Variants in IGLL5 observed in about 807,000 individuals in gnomAD.
The protein encoded by IGLL5 is immunoglobulin lambda-like polypeptide 5.
A neutral mutation model predicts 20.9 loss-of-function variants in IGLL5; 30 were observed. The ratio of observed to expected loss-of-function variants is 1.44; its 90% CI spans 1.07 to 1.95. The LOEUF (loss-of-function observed/expected upper bound fraction) is 1.95, where lower values mean the gene tolerates loss of function less well. Ranked by LOEUF, IGLL5 falls within the 30% of genes most tolerant of loss-of-function variation. IGLL5 has a pLI of 0.00. For missense variants in IGLL5, 475 were observed against 270.7 expected, an observed-to-expected ratio of 1.75 and a Z score of -5.30; for synonymous variants, 203 against 117.3, an observed-to-expected ratio of 1.73 and a Z score of -4.72.
chr22:22,888,972 A>G (rs538128969), intron 1 of IGLL5, among the ~76,000 whole-genome samples: 1 of 151,312 alleles, frequency 6.6e-6, no homozygotes, highest in African/African-American at 2.4e-5. Flanking sequence ...AGGAGAGCAC[A>G]GGATGAGGCT....
At position 22,894,509 on chromosome 22, in the gene IGLL5, A is replaced by C. The variant is rs1397989428; in HGVS notation, c.325+691A>C. On this transcript the variant is annotated intron_variant, in intron 2 of 2. Coordinates refer to ENST00000526893, the MANE Select transcript of IGLL5 (RefSeq NM_001178126.2). ...AGGGCAGAGATGTGTCTGTCCCTGG[A>C]GCCCCGTCACCTCTGGGGCCCAGTG... is the stretch of plus-strand genomic sequence containing the variant. Among the ~76,000 whole-genome samples, 2 of 151,440 alleles carry C rather than the reference A, an allele frequency of 1.3e-5. 1 individual carries two copies. Among genetic ancestry groups the C allele is most frequent in the African/African-American group, 4.8e-5 (2 of 41,318 alleles).
At chr22:22,892,732 G>A (rs1482195218) in intron 1 of IGLL5, among the ~76,000 whole-genome samples, 1 of 150,908 alleles carries the variant, frequency 6.6e-6, no homozygotes, top group Non-Finnish European at 1.5e-5. Flanking sequence ...CTGGAAATAG[G>A]GATCTAAGAC....
intron 1 of IGLL5, among the ~76,000 whole-genome samples, chr22:22,889,165 GA>G (rs924421302): frequency 2.0e-5 from 3 of 151,088 alleles, no homozygotes; most frequent in African/African-American, 7.3e-5. Flanking sequence ...GGAGGGAGGA[GA>G]GGGGGTGATG....
At chr22:22,889,513 A>G (rs533938004) in intron 1 of IGLL5, among the ~76,000 whole-genome samples, 1 of 151,394 alleles carries the variant, frequency 6.6e-6, no homozygotes, top group African/African-American at 2.4e-5. Context: ...CAGCATTATT[A>G]GTGATGGGAG....
chr22:22,889,214 G>A (rs115102473), intron 1 of IGLL5, among the ~76,000 whole-genome samples: 3,288 of 151,078 alleles, frequency 0.022, 120 homozygotes, highest in South Asian at 0.068. Context: ...GGAGGAAGCC[G>A]TGCCTTGGGG....
Position 22,888,002 on chromosome 22 carries a change from A to C in IGLL5, c.-52A>C, listed in dbSNP as rs1206090603. 7.0e-7 allele frequency: 1 copy of C among 1,437,758 alleles called. No individual in the cohort carries two copies. Among genetic ancestry groups the C allele is most frequent in the African/African-American group, 1.4e-5 (1 of 70,482 alleles). 89.1% of individuals were successfully genotyped at this position (1,437,758 alleles called of 1,614,324 possible). A position where few individuals can be genotyped will look rare whatever the true frequency, so the allele number is the denominator to read the frequency against. On this transcript the variant is annotated 5_prime_UTR_variant, in exon 1 of 3. Transcript: ENST00000526893. ...GAGAGGGACCAGGGCACCGTCCTCCAGGGAGCCCATGCTGCAAGTCGGGCC... is the reference window on the plus strand; with the variant it reads ...GAGAGGGACCAGGGCACCGTCCTCCCGGGAGCCCATGCTGCAAGTCGGGCC...
At position 22,888,049 on chromosome 22, in the gene IGLL5, G is replaced by C. The variant is rs768000090; in HGVS notation, c.-5G>C. 6.5e-7 allele frequency: 1 copy of C among 1,549,068 alleles called. No individual in the cohort carries two copies. Among genetic ancestry groups the C allele is most frequent in the African/African-American group, 1.4e-5 (1 of 72,916 alleles). On this transcript the variant is annotated 5_prime_UTR_variant, in exon 1 of 3. Coordinates refer to ENST00000526893, the MANE Select transcript of IGLL5 (RefSeq NM_001178126.2). ...GGCCAGAGGTGCCCCTGAACCTGAA[G>C]GCCAATGAGACCCAAGACAGGCCAA...
Position 22,888,178 on chromosome 22 carries a change from T to TA in IGLL5, c.125_126insA (p.Met42IlefsTer50). The TA allele has an allele frequency of 6.5e-7, 1 of 1,548,816 alleles. No individual in the cohort carries two copies. The highest frequency in any genetic ancestry group is 1.4e-5 in the African/African-American group (1 of 72,850). On this transcript the variant is annotated frameshift_variant, in exon 1 of 3. Transcript: ENST00000526893. LOFTEE classifies it high-confidence loss of function. Reference sequence around the variant, plus strand: ...GTCGCCCATGGCCTGCTGCGCCCAATGGTTGCACCGCAAAGCGGGGACCCA... The same window carrying TA: ...GTCGCCCATGGCCTGCTGCGCCCAATAGGTTGCACCGCAAAGCGGGGACCCA...
intron 2 of IGLL5, among the ~76,000 whole-genome samples, 196 bp from the exon 3 acceptor site, chr22:22,895,179 G>A (rs1177739665): frequency 6.6e-6 from 1 of 151,238 alleles, no homozygotes; most frequent in Non-Finnish European, 1.5e-5. Context: ...GACTTGGGAG[G>A]GCTCCTAGGA....
In IGLL5 at chr22:22,888,669, A is replaced by C. The variant is rs2067629853; in HGVS notation, c.206+410A>C. On this transcript the variant is annotated intron_variant, in intron 1 of 2. Transcript: ENST00000526893. ...CTGCCCATGTGCCTCCTGCCCAGTG[A>C]GGGCAGGGGCCACTCCCTGGAGAAG... 2.0e-5 allele frequency among the ~76,000 whole-genome samples: 3 copies of C among 151,212 alleles called. 1 individual carries two copies. Among genetic ancestry groups the C allele is most frequent in the East Asian group, 2.1e-4 (1 of 4,878 alleles).
chr22:22,894,591 A>C (rs2066671834), intron 2 of IGLL5, among the ~76,000 whole-genome samples: 1 of 151,382 alleles, frequency 6.6e-6, no homozygotes, highest in Non-Finnish European at 1.5e-5. Context: ...TAGACTCAGG[A>C]AATGACCAGA....
At chr22:22,891,639 G>A (rs2067849888) in intron 1 of IGLL5, among the ~76,000 whole-genome samples, 1 of 151,244 alleles carries the variant, frequency 6.6e-6, no homozygotes, top group African/African-American at 2.4e-5. Context: ...AATGCTCAGT[G>A]TTTTTGTTCA....
Position 22,888,141 on chromosome 22 carries a change from G to T in IGLL5, c.88G>T (p.Gly30Cys), listed in dbSNP as rs779042230. The change falls in exon 1 of 3, where the codon GGT becomes TGT. Residue 30 changes from glycine to cysteine, a missense_variant. By Grantham distance (159) the Gly-to-Cys change is radical. Coordinates refer to ENST00000526893, the MANE Select transcript of IGLL5 (RefSeq NM_001178126.2). ...PRQRWPLLLL[G>C]LAMVAHGLLR... The stretch of plus-strand genomic sequence containing the variant: ...GCAGCGCTGGCCCCTGCTGCTGCTG[G>T]GTCTGGCCATGGTCGCCCATGGCCT... 1.9e-6 allele frequency: 3 copies of T among 1,549,736 alleles called. No individual in the cohort carries two copies. The highest frequency in any genetic ancestry group is 1.7e-6 in the Non-Finnish European group (2 of 1,146,852).
chr22:22,893,710 C>T lies in IGLL5; in HGVS notation c.217C>T (p.Gln73Ter), dbSNP rs750892941. The change falls in exon 2 of 3, where the codon CAG becomes TAG. Residue 73 changes from glutamine (Q) to a stop codon, truncating the protein, a stop_gained. Transcript: ENST00000526893. LOFTEE classifies it high-confidence loss of function. ...CGTCATGCCCAGCAGGCTCCTGCTC[C>T]AGCCCAGCCCCCAGAGAGCAGACCC... ...LRSLWGRLLL[Q>*]PSPQRADPRC... 1 of 1,605,712 alleles carries T rather than the reference C, an allele frequency of 6.2e-7. No homozygotes were observed. The highest frequency in any genetic ancestry group is 8.5e-7 in the Non-Finnish European group (1 of 1,175,860).
intron 2 of IGLL5, among the ~76,000 whole-genome samples, chr22:22,894,228 G>C (rs2068002671): frequency 6.6e-6 from 1 of 151,358 alleles, no homozygotes; most frequent in Admixed American, 6.6e-5. Flanking sequence ...TAGGGGAGCA[G>C]CCCCAAGAAC....
chr22:22,888,626 T>C (rs532364336), intron 1 of IGLL5, among the ~76,000 whole-genome samples: 7 of 151,084 alleles, frequency 4.6e-5, no homozygotes, highest in East Asian at 2.1e-4. Context: ...CCAGGCCTGT[T>C]CCTCCCCCTC....
chr22:22,894,181 G>T (rs181959291), intron 2 of IGLL5, among the ~76,000 whole-genome samples: 2 of 151,382 alleles, frequency 1.3e-5, no homozygotes, highest in South Asian at 2.1e-4. Context: ...GACAGAGGCT[G>T]CTGGGGTGGG....
chr22:22,894,446 C>T (rs555985093), intron 2 of IGLL5, among the ~76,000 whole-genome samples: 15 of 151,450 alleles, frequency 9.9e-5, no homozygotes, highest in Middle Eastern at 3.8e-3. Context: ...CAGAATCCAA[C>T]CCTCCCAGGA....
At chr22:22,889,535 A>G (rs368347911) in intron 1 of IGLL5, among the ~76,000 whole-genome samples, 3 of 151,258 alleles carry the variant, frequency 2.0e-5, no homozygotes, top group South Asian at 2.1e-4. Context: ...AAACTGGAAA[A>G]AATCCAAATA....
Sources: allele counts gnomAD v4.1 joint callset (sites outside exome capture counted in the v4.1 genomes callset), GRCh38; gene constraint gnomAD v4.1.1; transcripts MANE v1.5; gene names NCBI Gene and HGNC (gene_info 2026-07-23, HGNC 2026-07-21).